CPXM2: variants seen among roughly 807,000 people sequenced by gnomAD.
CPXM2 encodes carboxypeptidase X, M14 family member 2.
Under a neutral mutation model 86.1 loss-of-function variants are expected in CPXM2, and 66 were observed. The observed-to-expected ratio is 0.77, with a 90% CI of 0.63 to 0.94. CPXM2 has a LOEUF of 0.94. Ranked by LOEUF, CPXM2 falls within the 40% of genes least tolerant of loss-of-function variation. CPXM2 has a pLI of 0.00. For missense variants in CPXM2, 948 were observed against 1,026.3 expected, an observed-to-expected ratio of 0.92 and a Z score of 1.04; for synonymous variants, 388 against 400.2, an observed-to-expected ratio of 0.97 and a Z score of 0.36.
At chr10:123,773,397 T>A (rs1333851440) in intron 7 of CPXM2, among the ~76,000 whole-genome samples, 3 of 152,160 alleles carry the variant, frequency 2.0e-5, no homozygotes, top group Non-Finnish European at 4.4e-5. Context: ...TTGTTGTGGA[T>A]CTCACTTCCC....
intron 13 of CPXM2, among the ~76,000 whole-genome samples, chr10:123,753,203 G>A (rs1264491048): frequency 6.6e-6 from 1 of 152,176 alleles, no homozygotes; most frequent in African/African-American, 2.4e-5. Flanking sequence ...AGTCCACGGG[G>A]ATCAGTGGGA....
At chr10:123,912,308 C>CGG (rs147794681) in intron 2 of CPXM2, among the ~76,000 whole-genome samples, 408 of 39,386 alleles carry the variant, frequency 0.01, 1 homozygote, top group African/African-American at 0.018. Context: ...AGATGGTGGG[C>CGG]GGGGGGGGGG....
intron 12 of CPXM2, 79 bp downstream of exon 12, chr10:123,757,134 C>T: frequency 7.5e-7 from 1 of 1,341,372 alleles, no homozygotes; most frequent in Non-Finnish European, 1.1e-6. Context: ...GCTCTAATTC[C>T]ATCCCATACT....
intron 10 of CPXM2, among the ~76,000 whole-genome samples, chr10:123,766,694 G>C (rs1053149199): frequency 3.3e-5 from 5 of 152,148 alleles, no homozygotes; most frequent in African/African-American, 1.2e-4. Context: ...GATAATAAAG[G>C]TAGTAACAAA....
intron 4 of CPXM2, among the ~76,000 whole-genome samples, chr10:123,808,383 C>T (rs1182032544): frequency 6.6e-6 from 1 of 151,312 alleles, no homozygotes; most frequent in African/African-American, 2.5e-5. Flanking sequence ...ACAACAACAA[C>T]AACAACAACC....
chr10:123,915,748 C>T lies in CPXM2; in HGVS notation n.174+23729G>A, dbSNP rs566685341. Among the ~76,000 whole-genome samples, 29 of 152,152 alleles carry T rather than the reference C, an allele frequency of 1.9e-4. No individual in the cohort carries two copies. The East Asian group carries it at 5.2e-3, about 27-fold the overall frequency. ...ACATCCTCAGAGTTGGTCAATAGTG[C>T]GCATTCATGTATTATTTTGAAAGCT... On this transcript the variant is annotated intron_variant and non_coding_transcript_variant, in intron 2 of 19. Coordinates refer to the CPXM2 transcript ENST00000368854.
At chr10:123,842,237 C>A in intron 4 of CPXM2, 112 bp downstream of exon 4, 1 of 1,393,242 alleles carries the variant, frequency 7.2e-7, no homozygotes, top group African/African-American at 1.4e-5. Flanking sequence ...TTCTCCTCTT[C>A]TACTGCCCAT....
chr10:123,790,031 TGGTG>T, intron 6 of CPXM2, among the ~76,000 whole-genome samples: 4 of 151,976 alleles, frequency 2.6e-5, no homozygotes, highest in Non-Finnish European at 4.4e-5. Flanking sequence ...GACAGGAGAA[TGGTG>T]TGAACCCAGG....
intron 4 of CPXM2, among the ~76,000 whole-genome samples, chr10:123,834,780 G>A (rs574315702): frequency 2.0e-5 from 3 of 152,302 alleles, no homozygotes; most frequent in East Asian, 1.9e-4. Context: ...CAGATCCTTC[G>A]TGAATAGAGT....
In CPXM2 at chr10:123,891,237, C is replaced by A; in HGVS notation, c.304+119G>T. Reference sequence around the variant, plus strand: ...GTCCCTAGGGAGGCAGAGGCGGCAACAGGGAGATTCCCGGGACTGGCCCAT... The same window carrying A: ...GTCCCTAGGGAGGCAGAGGCGGCAAAAGGGAGATTCCCGGGACTGGCCCAT... On this transcript the variant is annotated intron_variant, in intron 1 of 13. Coordinates refer to ENST00000241305, the MANE Select transcript of CPXM2 (RefSeq NM_198148.3). This position sits in a 1 kb window ranked among gnomAD's most constrained non-coding sequence, Gnocchi z 5.6. 1.2e-6 allele frequency: 1 copy of A among 860,908 alleles called. No individual in the cohort carries two copies. The highest frequency in any genetic ancestry group is 1.7e-6 in the Non-Finnish European group (1 of 582,110). The allele number at this position is 860,908 out of a possible 1,614,324, so 53.3% of individuals were successfully genotyped here. A position where few individuals can be genotyped will look rare whatever the true frequency, so the allele number is the denominator to read the frequency against.
intron 7 of CPXM2, among the ~76,000 whole-genome samples, chr10:123,778,528 C>A: frequency 6.6e-6 from 1 of 152,174 alleles, no homozygotes; most frequent in East Asian, 1.9e-4. Context: ...CAGTAGTGAT[C>A]AGTCGCCTAG....
intron 2 of CPXM2, among the ~76,000 whole-genome samples, chr10:123,915,903 C>T (rs939548387): frequency 2.0e-5 from 3 of 152,154 alleles, no homozygotes; most frequent in African/African-American, 7.2e-5. Context: ...CTGACGTTGG[C>T]CAGCAAAGCC....
intron 1 of CPXM2, among the ~76,000 whole-genome samples, chr10:123,887,946 C>A (rs1239080266): frequency 1.3e-5 from 2 of 152,182 alleles, no homozygotes; most frequent in Non-Finnish European, 2.9e-5. Flanking sequence ...TGGGGCTCTA[C>A]TTCTCTGGAA....
intron 4 of CPXM2, among the ~76,000 whole-genome samples, chr10:123,836,414 G>A (rs1848282203): frequency 6.6e-6 from 1 of 151,856 alleles, no homozygotes; most frequent in South Asian, 2.1e-4. Flanking sequence ...GAGTCTCACA[G>A]TCCCTCACTC....
chr10:123,880,419 C>T, intron 1 of CPXM2, 110 bp from the exon 2 acceptor site: 1 of 660,744 alleles, frequency 1.5e-6, no homozygotes, highest in South Asian at 1.8e-5. Flanking sequence ...CCTTCTGCTC[C>T]CCTGTCCCTA....
At chr10:123,902,686 T>C (rs1401153960) in intron 2 of CPXM2, among the ~76,000 whole-genome samples, 1 of 152,190 alleles carries the variant, frequency 6.6e-6, no homozygotes, top group Non-Finnish European at 1.5e-5. Flanking sequence ...ATCCCATTCA[T>C]GCGGGCTCCT....
chr10:123,818,798 G>A (rs1847866080), intron 4 of CPXM2, among the ~76,000 whole-genome samples: 1 of 152,134 alleles, frequency 6.6e-6, no homozygotes, highest in Non-Finnish European at 1.5e-5. Context: ...TTGCAGGGCT[G>A]GGGCAAAGTT....
At chr10:123,768,250 C>G (rs973466447) in intron 9 of CPXM2, among the ~76,000 whole-genome samples, 1 of 152,044 alleles carries the variant, frequency 6.6e-6, no homozygotes, top group Admixed American at 6.6e-5. Flanking sequence ...TGGTGGCTGG[C>G]GGCCGTAATC....
intron 4 of CPXM2, among the ~76,000 whole-genome samples, chr10:123,802,198 C>G (rs1023571838): frequency 2.0e-5 from 3 of 152,194 alleles, no homozygotes; most frequent in African/African-American, 7.2e-5. Context: ...GGAGCTACCC[C>G]TCTTGAAGTT....
Sources: gnomAD v4.1 joint callset for allele counts (sites outside exome capture counted in the v4.1 genomes callset) on GRCh38, gnomAD v4.1.1 for gene constraint, Gnocchi (gnomAD v3.1) non-coding constraint, MANE v1.5 for transcripts, NCBI Gene and HGNC (gene_info 2026-07-23, HGNC 2026-07-21) for gene names.